The following CPLANE1 variants were observed in gnomAD, a reference collection of about 807,000 sequenced individuals.
CPLANE1 encodes ciliogenesis and planar polarity effector 1.
Under a neutral mutation model 362.5 loss-of-function variants are expected in CPLANE1, and 263 were observed. The observed-to-expected ratio is 0.73, with a 90% CI of 0.66 to 0.80. CPLANE1 has a LOEUF of 0.80. CPLANE1 is among the 30% of genes least tolerant of loss of function. The probability of loss-of-function intolerance (pLI) is 0.00; values close to 1 mark genes in which losing one functional copy is unlikely to be tolerated. For missense variants in CPLANE1, 3,461 were observed against 3,793.4 expected, an observed-to-expected ratio of 0.91 and a Z score of 2.30; for synonymous variants, 1,212 against 1,302.6, an observed-to-expected ratio of 0.93 and a Z score of 1.50.
At chr5:37,113,147 G>A (rs754293609) in intron 51 of CPLANE1, among the ~76,000 whole-genome samples, 1 of 152,178 alleles carries the variant, frequency 6.6e-6, no homozygotes, top group Non-Finnish European at 1.5e-5. Context: ...AAGCTGGTAC[G>A]GTTTGGCTGT....
At chr5:37,247,590 G>A (rs1297997380) in intron 2 of CPLANE1, 28 bp downstream of exon 2, 6 of 1,537,592 alleles carry the variant, frequency 3.9e-6, no homozygotes, top group Non-Finnish European at 5.3e-6. Flanking sequence ...ATATAAAACT[G>A]GTATTGCATG....
At chr5:37,179,277 A>C (rs1782042906) in intron 29 of CPLANE1, 84 bp downstream of exon 29, 14 of 883,284 alleles carry the variant, frequency 1.6e-5, no homozygotes, top group Non-Finnish European at 2.5e-5. Flanking sequence ...TGATATATTT[A>C]ATAACAATGA....
intron 51 of CPLANE1, among the ~76,000 whole-genome samples, chr5:37,111,815 A>T (rs906707049): frequency 6.6e-6 from 1 of 152,212 alleles, no homozygotes; most frequent in Admixed American, 6.5e-5. Flanking sequence ...ATTAATAAGG[A>T]ACAAATTTTG....
intron 14 of CPLANE1, among the ~76,000 whole-genome samples, chr5:37,223,502 CA>C (rs1431270136): frequency 2.0e-5 from 3 of 152,188 alleles, no homozygotes; most frequent in African/African-American, 7.2e-5. Flanking sequence ...ATGAAATATA[CA>C]AAGCCACAGC....
At chr5:37,076,921 A>G in the CPLANE1 span, among the ~76,000 whole-genome samples, 1 of 150,892 alleles carries the variant, frequency 6.6e-6, no homozygotes, top group East Asian at 1.9e-4. Context: ...CTCCTCTGGT[A>G]GGCTCTACTC....
chr5:37,075,721 T>C, the CPLANE1 span, among the ~76,000 whole-genome samples: 1 of 152,136 alleles, frequency 6.6e-6, no homozygotes, highest in Admixed American at 6.5e-5. Context: ...ACAGAACACA[T>C]TGTAACCTGG....
At chr5:37,139,286 A>G (rs892583125) in intron 45 of CPLANE1, 54 bp downstream of exon 45, 2 of 1,375,586 alleles carry the variant, frequency 1.5e-6, no homozygotes, top group Non-Finnish European at 2.0e-6. Context: ...CAAAATTTTC[A>G]CTATCTACAC....
intron 29 of CPLANE1, among the ~76,000 whole-genome samples, chr5:37,178,443 GT>G (rs78702395): frequency 2.3e-3 from 321 of 142,276 alleles, no homozygotes; most frequent in Non-Finnish European, 2.1e-3. Flanking sequence ...ACAAAAAAAT[GT>G]TTTTTTTTTT....
At chr5:37,162,651 G>A in intron 37 of CPLANE1, 85 bp from the exon 38 acceptor site, 1 of 871,108 alleles carries the variant, frequency 1.1e-6, no homozygotes, top group South Asian at 1.7e-5. Context: ...TAACTCAATG[G>A]AAGTAAAATA....
chr5:37,240,934 G>A (rs376809846), intron 6 of CPLANE1, among the ~76,000 whole-genome samples: 1 of 152,012 alleles, frequency 6.6e-6, no homozygotes, highest in South Asian at 2.1e-4. Flanking sequence ...TCAGGAGTTC[G>A]AGACCAGCCT....
intron 6 of CPLANE1, among the ~76,000 whole-genome samples, chr5:37,241,952 T>C (rs1025229627): frequency 4.6e-5 from 7 of 152,158 alleles, no homozygotes; most frequent in African/African-American, 1.4e-4. Context: ...TGTTACTTCA[T>C]GTAAGTTATA....
chr5:37,170,043 G>A lies in CPLANE1; in HGVS notation c.6460C>T (p.Gln2154Ter), dbSNP rs1221947399. The A allele has an allele frequency of 6.2e-7, 1 of 1,613,558 alleles. No individual in the cohort carries two copies. The highest frequency in any genetic ancestry group is 8.5e-7 in the Non-Finnish European group (1 of 1,179,730). Residue 2154 changes from glutamine (Q) to a stop codon, truncating the protein, a stop_gained and splice_region_variant, in exon 33 of 53, where the codon CAG (glutamine) becomes TAG (stop). Transcript: ENST00000651892. LOFTEE classifies it high-confidence loss of function. Reference protein sequence around the residue: ...PSGQNSTGNVQNVPHGSIPLC... With the variant: ...PSGQNSTGNV ...AATGGTATTTTTACATACATTACCT[G>A]TACGTTTCCAGTACTATTTTGACCA...
chr5:37,082,923 A>AT, the CPLANE1 span, among the ~76,000 whole-genome samples: 1 of 152,208 alleles, frequency 6.6e-6, no homozygotes, highest in African/African-American at 2.4e-5. Context: ...ACAGAGCAGC[A>AT]TGTGGAGGCT....
At chr5:37,221,920 C>A (rs1396512458) in intron 14 of CPLANE1, among the ~76,000 whole-genome samples, 1 of 152,050 alleles carries the variant, frequency 6.6e-6, no homozygotes, top group Non-Finnish European at 1.5e-5. Context: ...ACATTAAGGT[C>A]TACTAATAAC....
chr5:37,176,917 C>T (rs1781326305), intron 30 of CPLANE1, among the ~76,000 whole-genome samples: 1 of 152,012 alleles, frequency 6.6e-6, no homozygotes, highest in Admixed American at 6.6e-5. Context: ...CGCCACCACA[C>T]CCAGTTAATT....
chr5:37,165,869 AC>A (rs1778100144), intron 35 of CPLANE1, among the ~76,000 whole-genome samples, 198 bp from the exon 36 acceptor site: 1 of 152,174 alleles, frequency 6.6e-6, no homozygotes, highest in Non-Finnish European at 1.5e-5. Context: ...TATTTCTAGA[AC>A]CTCTACTACT....
chr5:37,177,762 A>G lies in CPLANE1; in HGVS notation c.5821-62T>C, dbSNP rs572669468. Reference sequence around the variant, plus strand: ...AAAACAAATAGGTATTACTGTCTTGAGTATTTTGAGTCTCATATTAGCCAC... The same window carrying G: ...AAAACAAATAGGTATTACTGTCTTGGGTATTTTGAGTCTCATATTAGCCAC... On this transcript the variant is annotated intron_variant, in intron 29 of 52. Coordinates refer to ENST00000651892, the MANE Select transcript of CPLANE1 (RefSeq NM_001384732.1). The G allele has an allele frequency of 4.0e-6, 5 of 1,263,382 alleles. No homozygotes were observed. In the African/African-American group the frequency reaches 5.9e-5, roughly 15 times the overall value. 78.3% of individuals were successfully genotyped at this position (1,263,382 alleles called of 1,614,324 possible).
At position 37,209,451 on chromosome 5, in the gene CPLANE1, C is replaced by T. The variant is rs559952409; in HGVS notation, c.2921-3026G>A. On this transcript the variant is annotated intron_variant, in intron 16 of 52. Transcript: ENST00000651892. This position sits in a 1 kb window ranked among gnomAD's most constrained non-coding sequence, Gnocchi z 4.6. The stretch of plus-strand genomic sequence containing the variant: ...AAAGCTATACCAGACATTTAAGGAT[C>T]GGGGTATACTGGAAACACTCAAGAT... 104 of 1,308,312 alleles carry T rather than the reference C, an allele frequency of 7.9e-5. No individual in the cohort carries two copies. The African/African-American group carries it at 9.7e-4, about 12-fold the overall frequency. 81.0% of individuals were successfully genotyped at this position (1,308,312 alleles called of 1,614,324 possible).
intron 50 of CPLANE1, among the ~76,000 whole-genome samples, chr5:37,118,418 G>T (rs1054394129): frequency 6.4e-4 from 91 of 142,312 alleles, no homozygotes; most frequent in African/African-American, 2.4e-3. Flanking sequence ...AAAAAAAAAA[G>T]GCCAAGAGCT....
Sources: allele counts gnomAD v4.1 joint callset (sites outside exome capture counted in the v4.1 genomes callset), GRCh38; gene constraint gnomAD v4.1.1; non-coding constraint Gnocchi (gnomAD v3.1); transcripts MANE v1.5; gene names NCBI Gene and HGNC (gene_info 2026-07-23, HGNC 2026-07-21).